Variants in PTPRN2 observed in about 807,000 individuals in gnomAD.
PTPRN2 encodes receptor-type tyrosine-protein phosphatase N2.
PTPRN2 carries 74 observed loss-of-function variants against 118.8 expected under a neutral mutation model. The observed-to-expected ratio is 0.62, with a 90% CI of 0.52 to 0.76. The LOEUF is 0.76. Ranked by LOEUF, PTPRN2 falls within the 30% of genes least tolerant of loss-of-function variation. The pLI is 0.00. For synonymous variants in PTPRN2, 641 were observed against 608.0 expected (o/e 1.05, Z -0.80); for missense variants, 1,481 against 1,394.4 (o/e 1.06, Z -0.99).
chr7:158,429,880 C>T lies in PTPRN2; in HGVS notation c.163+59855G>A, dbSNP rs867296575. ...AAAGGAAGATGTGTGTAGCCGTACT[C>T]GTGGGACATAAACTGTTCTTTTTCT... On this transcript the variant is annotated intron_variant, in intron 2 of 22. Transcript: ENST00000389418. Among the ~76,000 whole-genome samples the T allele has an allele frequency of 7.2e-5, 11 of 152,238 alleles. No homozygotes were observed. In the Middle Eastern group the frequency reaches 0.01, roughly 141 times the overall value.
intron 2 of PTPRN2, among the ~76,000 whole-genome samples, chr7:158,478,966 G>A (rs1820462280): frequency 6.6e-6 from 1 of 152,098 alleles, no homozygotes; most frequent in Non-Finnish European, 1.5e-5. Flanking sequence ...AGTCACTGGG[G>A]AAACACACAT....
At chr7:157,895,015 T>TA (rs1371497177) in intron 12 of PTPRN2, among the ~76,000 whole-genome samples, 1 of 147,418 alleles carries the variant, frequency 6.8e-6, no homozygotes, top group African/African-American at 2.5e-5. Context: ...CTCACAATTC[T>TA]AAAAAAAGAC....
At chr7:158,224,803 G>C (rs1238509257) in intron 3 of PTPRN2, among the ~76,000 whole-genome samples, 3 of 152,160 alleles carry the variant, frequency 2.0e-5, no homozygotes, top group African/African-American at 7.2e-5. Context: ...CGCAGAGTTG[G>C]AGAAATATTG....
At chr7:158,199,301 G>A (rs925028910) in intron 4 of PTPRN2, among the ~76,000 whole-genome samples, 8 of 152,260 alleles carry the variant, frequency 5.3e-5, no homozygotes, top group East Asian at 1.9e-4. Flanking sequence ...CCTTAGGTGC[G>A]AGCTCTGTTC....
At chr7:157,866,396 G>T (rs951968623) in intron 12 of PTPRN2, among the ~76,000 whole-genome samples, 1 of 151,960 alleles carries the variant, frequency 6.6e-6, no homozygotes, top group African/African-American at 2.4e-5. Context: ...ACGTCCACAT[G>T]TACACACATA....
intron 2 of PTPRN2, among the ~76,000 whole-genome samples, chr7:158,349,968 C>T (rs111900651): frequency 0.012 from 1,773 of 152,244 alleles, 20 homozygotes; most frequent in African/African-American, 0.032. Flanking sequence ...CTAGCGCTCA[C>T]GTGTTCCCCT....
At chr7:157,934,489 G>A (rs984585491) in intron 11 of PTPRN2, among the ~76,000 whole-genome samples, 2 of 152,188 alleles carry the variant, frequency 1.3e-5, no homozygotes, top group Admixed American at 6.5e-5. Context: ...GGCTCACCTC[G>A]ATAGCATTTG....
chr7:157,740,697 A>G (rs1333136686), intron 12 of PTPRN2, among the ~76,000 whole-genome samples: 3 of 152,068 alleles, frequency 2.0e-5, no homozygotes, highest in Non-Finnish European at 4.4e-5. Context: ...TTTTTCTTTT[A>G]AACAATCCAC....
At chr7:158,241,584 A>C (rs1795907724) in intron 3 of PTPRN2, among the ~76,000 whole-genome samples, 1 of 152,236 alleles carries the variant, frequency 6.6e-6, no homozygotes, top group Non-Finnish European at 1.5e-5. Flanking sequence ...CCCCTGACAC[A>C]GACTTTAAAG....
In PTPRN2 at chr7:157,927,297, A is replaced by G. The variant is rs1226625132; in HGVS notation, c.1724-28560T>C. Among the ~76,000 whole-genome samples, 2 of 53,668 alleles carry G rather than the reference A, an allele frequency of 3.7e-5. 1 individual carries two copies. Among genetic ancestry groups the G allele is most frequent in the African/African-American group, 1.7e-4 (2 of 11,438 alleles). 35.2% of individuals were successfully genotyped at this position (53,668 alleles called of 152,430 possible). ...AAGCCCCAGGGACCCGTCTGAGAGCAGAGACCTCATGTCTTCTGGGACCCC... is the reference window on the plus strand; with the variant it reads ...AAGCCCCAGGGACCCGTCTGAGAGCGGAGACCTCATGTCTTCTGGGACCCC... On this transcript the variant is annotated intron_variant, in intron 11 of 22. Coordinates refer to ENST00000389418, the MANE Select transcript of PTPRN2 (RefSeq NM_002847.5).
At chr7:158,283,313 AGAG>A (rs1208795203) in intron 3 of PTPRN2, among the ~76,000 whole-genome samples, 2 of 152,156 alleles carry the variant, frequency 1.3e-5, no homozygotes, top group African/African-American at 2.4e-5. Flanking sequence ...CAGACCCCCA[AGAG>A]GAGAGGGAGC....
chr7:158,166,049 G>C (rs1822939625), intron 6 of PTPRN2, among the ~76,000 whole-genome samples: 1 of 152,124 alleles, frequency 6.6e-6, no homozygotes, highest in African/African-American at 2.4e-5. Context: ...AAGGACACTG[G>C]ACTTAACGTG....
At chr7:158,427,984 G>A (rs1252225540) in intron 2 of PTPRN2, among the ~76,000 whole-genome samples, 1 of 114,016 alleles carries the variant, frequency 8.8e-6, no homozygotes, top group Non-Finnish European at 1.8e-5. Flanking sequence ...GCCTAGCTGA[G>A]GCCTGCACAG....
chr7:158,345,991 C>G (rs144533639), intron 2 of PTPRN2, among the ~76,000 whole-genome samples: 321 of 152,292 alleles, frequency 2.1e-3, no homozygotes, highest in Non-Finnish European at 3.5e-3. Flanking sequence ...CACCAGGTCC[C>G]TCCCCAACGC....
chr7:158,587,785 G>T lies in PTPRN2; in HGVS notation c.-116C>A. On this transcript the variant is annotated 5_prime_UTR_variant, in exon 1 of 23. Coordinates refer to ENST00000389418, the MANE Select transcript of PTPRN2 (RefSeq NM_002847.5). ...CGGCTCCTCCCGCCGCGCCTCTCGC[G>T]CTCTTGCGGCGACGCCGGGCCGAGC... The T allele has an allele frequency of 2.1e-6, 2 of 969,584 alleles. No individual in the cohort carries two copies. The highest frequency in any genetic ancestry group is 2.5e-6 in the Non-Finnish European group (2 of 811,676). 60.1% of individuals were successfully genotyped at this position (969,584 alleles called of 1,614,324 possible).
chr7:157,806,222 T>G (rs1057037603), intron 12 of PTPRN2, among the ~76,000 whole-genome samples: 12 of 152,230 alleles, frequency 7.9e-5, no homozygotes, highest in Non-Finnish European at 1.8e-4. Context: ...TACAAAAATC[T>G]GAAATCCAAG....
intron 17 of PTPRN2, among the ~76,000 whole-genome samples, chr7:157,592,031 G>A (rs1403220146): frequency 6.6e-6 from 1 of 152,198 alleles, no homozygotes; most frequent in African/African-American, 2.4e-5. Flanking sequence ...GCTGTGACCA[G>A]GTTGAGGGAC....
chr7:157,712,101 G>A (rs1422775950), intron 12 of PTPRN2, among the ~76,000 whole-genome samples: 6 of 136,554 alleles, frequency 4.4e-5, no homozygotes, highest in South Asian at 3.0e-4. Context: ...TGAGTGGGGG[G>A]AGGGGCTGCG....
At chr7:158,254,668 G>A (rs1308481634) in intron 3 of PTPRN2, among the ~76,000 whole-genome samples, 2 of 150,306 alleles carry the variant, frequency 1.3e-5, no homozygotes, top group African/African-American at 4.9e-5. Context: ...CCATCTCCAC[G>A]TTCAGGAGCA....
Sources: allele counts gnomAD v4.1 joint callset (sites outside exome capture counted in the v4.1 genomes callset), GRCh38; gene constraint gnomAD v4.1.1; transcripts MANE v1.5; gene names NCBI Gene and HGNC (gene_info 2026-07-23, HGNC 2026-07-21).